The following MYO3A variants were observed in gnomAD, a reference collection of about 807,000 sequenced individuals.
The protein encoded by MYO3A is myosin-IIIa.
MYO3A carries 180 observed loss-of-function variants against 192.7 expected under a neutral mutation model. The observed-to-expected ratio is 0.93, with a 90% confidence interval of 0.83 to 1.06. The LOEUF (loss-of-function observed/expected upper bound fraction) is 1.06, where lower values mean the gene tolerates loss of function less well. Among genes scored for constraint, MYO3A ranks in the 50% least tolerant of loss-of-function variants. MYO3A has a pLI of 0.00. For synonymous variants in MYO3A, 628 were observed against 645.3 expected (o/e 0.97, Z 0.41); for missense variants, 1,896 against 1,905.0 (o/e 1.00, Z 0.09).
chr10:26,110,989 T>C (rs1018181383), intron 17 of MYO3A, among the ~76,000 whole-genome samples: 38 of 151,660 alleles, frequency 2.5e-4, no homozygotes, highest in Admixed American at 1.6e-3. Context: ...TTCAACCTCC[T>C]GATCAGCTGG....
intron 17 of MYO3A, among the ~76,000 whole-genome samples, chr10:26,102,920 T>C (rs924909884): frequency 3.2e-4 from 48 of 152,216 alleles, no homozygotes; most frequent in African/African-American, 1.2e-3. Flanking sequence ...CACTACTCTC[T>C]TCAAAGCTGT....
intron 17 of MYO3A, among the ~76,000 whole-genome samples, chr10:26,100,192 GC>G (rs1482054545): frequency 2.0e-5 from 3 of 152,252 alleles, no homozygotes; most frequent in East Asian, 1.9e-4. Context: ...TAGTTTATTT[GC>G]CTAGAGGTGT....
chr10:25,972,140 A>G (rs1838689708), intron 4 of MYO3A, among the ~76,000 whole-genome samples: 1 of 152,112 alleles, frequency 6.6e-6, no homozygotes, highest in Non-Finnish European at 1.5e-5. Flanking sequence ...TATTTCTCTG[A>G]AACTGTTCAT....
At chr10:26,070,534 T>TC in intron 14 of MYO3A, 133 bp downstream of exon 14, 1 of 838,644 alleles carries the variant, frequency 1.2e-6, no homozygotes, top group Non-Finnish European at 1.9e-6. Flanking sequence ...ACAGTTGTTA[T>TC]CCTTTGAGAG....
In MYO3A at chr10:26,016,842, T is replaced by C. The variant is rs1346197951; in HGVS notation, c.531T>C (p.Ser177=). ...TAGGTGTGTCTGCACAGCTCACCAG[T>C]ACCCGGCACCGTCGGAACACATCCG... ...VDFGVSAQLT[S]TRHRRNTSVG... Residue 177 remains serine (S), a synonymous_variant, in exon 7 of 35, where the codon AGT becomes AGC. Coordinates refer to ENST00000642920, the MANE Select transcript of MYO3A (RefSeq NM_017433.5). The C allele has an allele frequency of 6.2e-7, 1 of 1,614,202 alleles. No homozygotes were observed. The highest frequency in any genetic ancestry group is 1.1e-5 in the South Asian group (1 of 91,074).
chr10:26,118,123 G>A (rs955429942), intron 17 of MYO3A, among the ~76,000 whole-genome samples: 21 of 151,740 alleles, frequency 1.4e-4, no homozygotes, highest in Non-Finnish European at 2.6e-4. Flanking sequence ...TGTGATTGTT[G>A]GCTGTATGTA....
intron 2 of MYO3A, among the ~76,000 whole-genome samples, chr10:25,949,581 A>G (rs1410987872): frequency 6.6e-6 from 1 of 152,138 alleles, no homozygotes; most frequent in East Asian, 1.9e-4. Context: ...GATCAAAGAC[A>G]TGAATTTCAT....
rs1007965365 is a variant in MYO3A, at chr10:25,963,864, A to G, written c.303+8856A>G. Among the ~76,000 whole-genome samples the G allele has an allele frequency of 1.2e-4, 19 of 152,008 alleles. No individual in the cohort carries two copies. In the East Asian group the frequency reaches 2.5e-3, roughly 20 times the overall value. ...AACTTAGGAAATTTATACATAATATATATAACTCTTATATATCTTTCTTTC... is the reference window on the plus strand; with the variant it reads ...AACTTAGGAAATTTATACATAATATGTATAACTCTTATATATCTTTCTTTC... On this transcript the variant is annotated intron_variant, in intron 4 of 34. Coordinates refer to ENST00000642920, the MANE Select transcript of MYO3A (RefSeq NM_017433.5).
At chr10:26,124,816 A>G (rs926838552) in intron 18 of MYO3A, among the ~76,000 whole-genome samples, 9 of 152,216 alleles carry the variant, frequency 5.9e-5, no homozygotes, top group Non-Finnish European at 1.2e-4. Context: ...TCAAACATCC[A>G]GTTTTAACAA....
intron 10 of MYO3A, among the ~76,000 whole-genome samples, chr10:26,058,084 G>A (rs1834225121): frequency 1.3e-5 from 2 of 152,170 alleles, no homozygotes; most frequent in African/African-American, 4.8e-5. Context: ...ATCTACAATT[G>A]TAGCATTGTA....
chr10:26,021,540 A>T lies in MYO3A; in HGVS notation c.623A>T (p.Asp208Val). The change falls in exon 8 of 35, where the codon GAC (aspartate) becomes GTC (valine). Residue 208 changes from aspartate (D) to valine (V), a missense_variant. Asp to Val is a radical substitution (Grantham distance 152, BLOSUM62 -3). Coordinates refer to ENST00000642920, the MANE Select transcript of MYO3A (RefSeq NM_017433.5). ...ACEQQLDTTY[D>V]ARCDTWSLGI... ...GAACAGCAATTGGATACCACTTATG[A>T]CGCCAGATGTGACACTTGGTCCCTG... The T allele has an allele frequency of 6.2e-7, 1 of 1,614,148 alleles. No homozygotes were observed. Among genetic ancestry groups the T allele is most frequent in the South Asian group, 1.1e-5 (1 of 91,082 alleles).
At chr10:26,069,970 A>C (rs569763502) in intron 12 of MYO3A, 141 bp from the exon 13 acceptor site, 1 of 640,488 alleles carries the variant, frequency 1.6e-6, no homozygotes, top group East Asian at 2.7e-5. Flanking sequence ...TGTGTGTAAC[A>C]TGTATGTAAT....
intron 4 of MYO3A, among the ~76,000 whole-genome samples, chr10:25,982,670 G>A (rs1839406396): frequency 6.6e-6 from 1 of 152,164 alleles, no homozygotes; most frequent in Admixed American, 6.5e-5. Context: ...GCTCTGCTGG[G>A]TGGCTGGAAA....
At chr10:26,062,863 A>T (rs2131350888) in intron 10 of MYO3A, among the ~76,000 whole-genome samples, 1 of 148,626 alleles carries the variant, frequency 6.7e-6, no homozygotes, top group East Asian at 2.0e-4. Context: ...AGTGAAAAAG[A>T]AGTGTGTATG....
At position 26,016,743 on chromosome 10, in the gene MYO3A, C is replaced by CA. The variant is rs527611269; in HGVS notation, c.509-71dup. ...GAAATGGAATTTTAATATTAGTTTGCAAAAAAGATTATAGCAATTGAAAGC... is the reference window on the plus strand; with the variant it reads ...GAAATGGAATTTTAATATTAGTTTGCAAAAAAAGATTATAGCAATTGAAAGC... On this transcript the variant is annotated intron_variant, in intron 6 of 34. Coordinates refer to ENST00000642920, the MANE Select transcript of MYO3A (RefSeq NM_017433.5). 6.0e-3 allele frequency: 8,124 copies of CA among 1,364,826 alleles called. 41 individuals carry two copies. The highest frequency in any genetic ancestry group is 6.9e-3 in the Non-Finnish European group (6,601 of 955,788). 84.5% of individuals were successfully genotyped at this position (1,364,826 alleles called of 1,614,324 possible).
At chr10:26,029,462 T>C (rs1842710292) in intron 10 of MYO3A, among the ~76,000 whole-genome samples, 1 of 152,260 alleles carries the variant, frequency 6.6e-6, no homozygotes, top group East Asian at 1.9e-4. Context: ...ATCTCTGCTA[T>C]ATTCTGAATG....
At chr10:25,948,384 A>G (rs967537384) in intron 2 of MYO3A, among the ~76,000 whole-genome samples, 8 of 152,190 alleles carry the variant, frequency 5.3e-5, no homozygotes, top group African/African-American at 1.4e-4. Context: ...AAATCTATTC[A>G]AAAAGATGAG....
At chr10:26,064,500 A>T (rs1233068726) in intron 10 of MYO3A, among the ~76,000 whole-genome samples, 1 of 152,154 alleles carries the variant, frequency 6.6e-6, no homozygotes, top group Non-Finnish European at 1.5e-5. Context: ...TATTCCTTTG[A>T]GTAATAATGG....
intron 7 of MYO3A, 148 bp downstream of exon 7, chr10:26,017,044 G>C: frequency 1.2e-6 from 1 of 847,290 alleles, no homozygotes; most frequent in Non-Finnish European, 1.9e-6. Flanking sequence ...TTGCATGTGT[G>C]AGGAGGCACC....
Sources: allele counts gnomAD v4.1 joint callset (sites outside exome capture counted in the v4.1 genomes callset), GRCh38; gene constraint gnomAD v4.1.1; transcripts MANE v1.5; gene names NCBI Gene and HGNC (gene_info 2026-07-23, HGNC 2026-07-21).